The following RNLS variants were observed in gnomAD, a reference collection of about 807,000 sequenced individuals.
RNLS encodes renalase, FAD dependent amine oxidase.
A neutral mutation model predicts 39.8 loss-of-function variants in RNLS; 39 were observed. The observed-to-expected ratio is 0.98, with a 90% CI of 0.76 to 1.28. The LOEUF (loss-of-function observed/expected upper bound fraction) is 1.28. RNLS is among the 50% of genes most tolerant of loss of function. The probability of loss-of-function intolerance (pLI) is 0.00; values close to 1 mark genes in which losing one functional copy is unlikely to be tolerated. For missense variants in RNLS, 410 were observed against 413.3 expected (o/e 0.99, Z 0.07); for synonymous variants, 147 against 150.7 (o/e 0.98, Z 0.18).
At chr10:88,203,196 T>G in the RNLS span, among the ~76,000 whole-genome samples, 2 of 144,324 alleles carry the variant, frequency 1.4e-5, no homozygotes, top group Non-Finnish European at 3.0e-5. Flanking sequence ...CAGTTAAAAC[T>G]CCAAGATGAA....
At chr10:88,265,393 G>A in the RNLS span, among the ~76,000 whole-genome samples, 1 of 127,246 alleles carries the variant, frequency 7.9e-6, no homozygotes, top group Non-Finnish European at 1.6e-5. Context: ...TGTGAAGAAT[G>A]ATGGTATTTT....
chr10:88,392,722 T>C (rs1046659593), intron 4 of RNLS, among the ~76,000 whole-genome samples: 3 of 152,156 alleles, frequency 2.0e-5, no homozygotes, highest in African/African-American at 7.2e-5. Flanking sequence ...TTTTTTAAAA[T>C]GTAGTTTCAA....
At chr10:88,570,262 T>C (rs1295374623) in intron 4 of RNLS, among the ~76,000 whole-genome samples, 1 of 152,224 alleles carries the variant, frequency 6.6e-6, no homozygotes, top group African/African-American at 2.4e-5. Flanking sequence ...ATTGTCAATA[T>C]AGAGTTTTTC....
chr10:88,435,872 C>T (rs903854658), intron 4 of RNLS, among the ~76,000 whole-genome samples: 6 of 152,100 alleles, frequency 3.9e-5, no homozygotes, highest in African/African-American at 1.4e-4. Context: ...TACAGTCATA[C>T]TCCATACTCC....
At chr10:88,309,848 G>T (rs1845224344) in intron 6 of RNLS, among the ~76,000 whole-genome samples, 1 of 152,154 alleles carries the variant, frequency 6.6e-6, no homozygotes, top group African/African-American at 2.4e-5. Context: ...CAAAAGAGTT[G>T]TTGTGAATGA....
intron 6 of RNLS, among the ~76,000 whole-genome samples, chr10:88,310,349 C>T (rs893866022): frequency 6.6e-6 from 1 of 152,084 alleles, no homozygotes; most frequent in African/African-American, 2.4e-5. Context: ...AGCAGGTGTT[C>T]CTAACACTGG....
intron 4 of RNLS, among the ~76,000 whole-genome samples, chr10:88,552,074 A>G (rs566814714): frequency 1.3e-5 from 2 of 152,334 alleles, no homozygotes; most frequent in Admixed American, 6.5e-5. Context: ...AATTTACTAG[A>G]TGCTTTAACA....
chr10:88,497,223 T>C (rs1029475299), intron 4 of RNLS, among the ~76,000 whole-genome samples: 1 of 152,040 alleles, frequency 6.6e-6, no homozygotes, highest in African/African-American at 2.4e-5. Flanking sequence ...ATACAGATAA[T>C]GAACACAAGT....
chr10:88,296,177 T>G (rs1844085628), intron 6 of RNLS, among the ~76,000 whole-genome samples: 1 of 152,154 alleles, frequency 6.6e-6, no homozygotes, highest in African/African-American at 2.4e-5. Context: ...TTGGAATTAT[T>G]TTGTTTTCAT....
At chr10:88,366,663 G>GAAAAAAAAAAAAAAAAAAAA (rs774157650) in intron 4 of RNLS, among the ~76,000 whole-genome samples, 1 of 25,832 alleles carries the variant, frequency 3.9e-5, no homozygotes, top group Non-Finnish European at 6.6e-5. Flanking sequence ...TAAGTTTTCT[G>GAAAAAAAAAAAAAAAAAAAA]AAAAAAAAAA....
intron 4 of RNLS, among the ~76,000 whole-genome samples, chr10:88,368,976 A>C (rs939366988): frequency 6.6e-6 from 1 of 152,120 alleles, no homozygotes; most frequent in Non-Finnish European, 1.5e-5. Flanking sequence ...TAATATAGTA[A>C]GACTAAACAT....
At chr10:88,323,253 C>T (rs1846315596) in intron 5 of RNLS, among the ~76,000 whole-genome samples, 1 of 152,010 alleles carries the variant, frequency 6.6e-6, no homozygotes, top group Non-Finnish European at 1.5e-5. Context: ...AAATTACCTA[C>T]ATCATTTTTC....
intron 4 of RNLS, among the ~76,000 whole-genome samples, chr10:88,530,450 T>C (rs1196344011): frequency 1.3e-5 from 2 of 152,196 alleles, no homozygotes; most frequent in Non-Finnish European, 2.9e-5. Flanking sequence ...AACTTTCATG[T>C]TTTTTCCTCT....
chr10:88,536,176 AG>A (rs138861276), intron 4 of RNLS, among the ~76,000 whole-genome samples: 4,338 of 152,242 alleles, frequency 0.028, 133 homozygotes, highest in African/African-American at 0.076. Flanking sequence ...CCTCCCTCAC[AG>A]GGGTGTTATG....
At chr10:88,301,367 G>A (rs1844503539) in intron 6 of RNLS, among the ~76,000 whole-genome samples, 2 of 152,062 alleles carry the variant, frequency 1.3e-5, no homozygotes, top group Admixed American at 1.3e-4. Flanking sequence ...CAAGGAGGTG[G>A]GCAATTACTC....
intron 4 of RNLS, among the ~76,000 whole-genome samples, chr10:88,365,758 G>C (rs1160876540): frequency 6.6e-6 from 1 of 151,974 alleles, no homozygotes; most frequent in Non-Finnish European, 1.5e-5. Context: ...GAGTGGGTTT[G>C]TGGGAGGTGA....
chr10:88,570,903 T>C (rs1293553137), intron 4 of RNLS, among the ~76,000 whole-genome samples: 2 of 151,980 alleles, frequency 1.3e-5, no homozygotes, highest in Non-Finnish European at 2.9e-5. Context: ...CTATAGTTAA[T>C]AATATCATAT....
chr10:88,575,828 G>A (rs926125870), intron 3 of RNLS, among the ~76,000 whole-genome samples: 1 of 151,974 alleles, frequency 6.6e-6, no homozygotes, highest in Non-Finnish European at 1.5e-5. Context: ...CTTTAACATT[G>A]CTTACAAAGC....
At chr10:88,311,284 C>T (rs1218060551) in intron 6 of RNLS, among the ~76,000 whole-genome samples, 1 of 152,150 alleles carries the variant, frequency 6.6e-6, no homozygotes, top group Non-Finnish European at 1.5e-5. Context: ...TGTCCCCTGT[C>T]AAGGTACATG....
Sources: gnomAD v4.1 joint callset for allele counts (sites outside exome capture counted in the v4.1 genomes callset) on GRCh38, gnomAD v4.1.1 for gene constraint, MANE v1.5 for transcripts, NCBI Gene and HGNC (gene_info 2026-07-23, HGNC 2026-07-21) for gene names.